Variants in CLN6 observed in about 807,000 individuals in gnomAD.
The protein encoded by CLN6 is CLN6 transmembrane ER protein.
Under a neutral mutation model 33.3 loss-of-function variants are expected in CLN6, and 22 were observed. The ratio of observed to expected loss-of-function variants is 0.66; its 90% confidence interval spans 0.47 to 0.94. The LOEUF (loss-of-function observed/expected upper bound fraction) is 0.94. Among genes scored for constraint, CLN6 ranks in the 40% least tolerant of loss-of-function variants. The probability of loss-of-function intolerance (pLI) is 0.00; values close to 1 mark genes in which losing one functional copy is unlikely to be tolerated. For missense variants in CLN6, 387 were observed against 417.1 expected (o/e 0.93, Z 0.63); for synonymous variants, 201 against 174.6 (o/e 1.15, Z -1.19).
At chr15:68,222,450 C>T (rs187367266) in intron 1 of CLN6, among the ~76,000 whole-genome samples, 2,731 of 144,368 alleles carry the variant, frequency 0.019, 49 homozygotes, top group African/African-American at 0.067. Flanking sequence ...CCGGCCGCCC[C>T]GTCTGGGAGG....
At chr15:68,240,555 C>G (rs55811462) in intron 1 of CLN6, among the ~76,000 whole-genome samples, 1 of 152,106 alleles carries the variant, frequency 6.6e-6, no homozygotes, top group Admixed American at 6.6e-5. Context: ...GAGCTGAGAT[C>G]GTGCCACTGC....
intron 1 of CLN6, among the ~76,000 whole-genome samples, chr15:68,224,265 CAA>C (rs34196710): frequency 3.4e-4 from 16 of 46,722 alleles, no homozygotes; most frequent in Non-Finnish European, 4.1e-4. Flanking sequence ...GACCTTATTG[CAA>C]AAAAAAAAAA....
At chr15:68,235,768 G>T (rs1460260797) in intron 1 of CLN6, among the ~76,000 whole-genome samples, 1 of 151,974 alleles carries the variant, frequency 6.6e-6, no homozygotes, top group Non-Finnish European at 1.5e-5. Flanking sequence ...GCTATTTGGG[G>T]TTTACTCTCC....
intron 1 of CLN6, among the ~76,000 whole-genome samples, chr15:68,221,529 A>G (rs937510192): frequency 6.6e-5 from 10 of 151,598 alleles, no homozygotes; most frequent in South Asian, 2.1e-4. Context: ...CGCTCACTCA[A>G]TGCTCAATGT....
Position 68,211,169 on chromosome 15 carries a change from G to T in CLN6, c.542+94C>A. ...GAGACTCAACACATGGAGACCCGCAGCCCAGACAGCCTTGCTCAGTGTGTC... is the reference window on the plus strand; with the variant it reads ...GAGACTCAACACATGGAGACCCGCATCCCAGACAGCCTTGCTCAGTGTGTC... On this transcript the variant is annotated intron_variant, in intron 5 of 6. Coordinates refer to ENST00000249806, the MANE Select transcript of CLN6 (RefSeq NM_017882.3). The surrounding 1 kb of genome is among the most constrained non-coding windows in gnomAD (Gnocchi z 5.9). 9.4e-7 allele frequency: 1 copy of T among 1,061,768 alleles called. No individual in the cohort carries two copies. The allele number at this position is 1,061,768 out of a possible 1,614,324, so 65.8% of individuals were successfully genotyped here. A position where few individuals can be genotyped will look rare whatever the true frequency, so the allele number is the denominator to read the frequency against.
chr15:68,237,895 C>T (rs746786558), intron 1 of CLN6, among the ~76,000 whole-genome samples: 5 of 152,144 alleles, frequency 3.3e-5, no homozygotes, highest in East Asian at 3.9e-4. Flanking sequence ...GCGGCCGAGG[C>T]GGGGGGATCA....
intron 1 of CLN6, among the ~76,000 whole-genome samples, chr15:68,221,079 T>C (rs1220719880): frequency 6.6e-6 from 1 of 151,810 alleles, no homozygotes. Context: ...CTCAAATTCC[T>C]GGGCTCAATA....
In CLN6 at chr15:68,256,853, C is replaced by G. The variant is rs772109093; in HGVS notation, c.16G>C (p.Gly6Arg). ...CTGCCTCTCGCTCGCCGCTCCTTCC[C>G]GGCAACGGCTGCCATTTTCCGCCCA... Residue 6 changes from glycine to arginine, a missense_variant, in exon 1 of 7, where the codon GGG (glycine) becomes CGG (arginine). Physicochemically the swap from Gly to Arg is moderately radical, Grantham distance 125 (BLOSUM62 -2). Coordinates refer to the CLN6 transcript ENST00000538696. The surrounding 1 kb of genome is among the most constrained non-coding windows in gnomAD (Gnocchi z 4.1). 8 of 694,438 alleles carry G rather than the reference C, an allele frequency of 1.2e-5. No individual in the cohort carries two copies. Among genetic ancestry groups the G allele is most frequent in the South Asian group, 3.0e-5 (2 of 66,930 alleles). The allele number at this position is 694,438 out of a possible 1,614,324, so 43.0% of individuals were successfully genotyped here.
At chr15:68,221,117 C>CT (rs1447744270) in intron 1 of CLN6, among the ~76,000 whole-genome samples, 1 of 151,978 alleles carries the variant, frequency 6.6e-6, no homozygotes, top group Non-Finnish European at 1.5e-5. Flanking sequence ...ATCCATAGTG[C>CT]TGGGATTACA....
chr15:68,230,100 C>A (rs1314678956), upstream of CLN6, among the ~76,000 whole-genome samples: 1 of 152,158 alleles, frequency 6.6e-6, no homozygotes, highest in Non-Finnish European at 1.5e-5. The surrounding 1 kb of genome is among the most constrained non-coding windows in gnomAD (Gnocchi z 4.0). Flanking sequence ...TGGAGACCTG[C>A]ACGTGTAGCA....
Position 68,209,709 on chromosome 15 carries a change from G to A in CLN6, c.593C>T (p.Thr198Ile). The A allele has an allele frequency of 6.2e-7, 1 of 1,613,834 alleles. No homozygotes were observed. Among genetic ancestry groups the A allele is most frequent in the Middle Eastern group, 1.7e-4 (1 of 5,892 alleles). The change falls in exon 6 of 7, where the codon ACT becomes ATT. Residue 198 changes from threonine to isoleucine, a missense_variant. Physicochemically the swap from Thr to Ile is moderately conservative, Grantham distance 89 (BLOSUM62 -1). Transcript: ENST00000249806. This position sits in a 1 kb window ranked among gnomAD's most constrained non-coding sequence, Gnocchi z 4.9. ...ILFMYFSGCF[T>I]ASKAESLIPG... ...AATCAAGCTCTCAGCTTTAGAGGCAGTAAAGCAGCCGCTGAAGTACATGAA... is the reference window on the plus strand; with the variant it reads ...AATCAAGCTCTCAGCTTTAGAGGCAATAAAGCAGCCGCTGAAGTACATGAA...
At position 68,214,406 on chromosome 15, in the gene CLN6, G is replaced by GA. The variant is rs1567096664; in HGVS notation, c.199-19dup. 6.3e-7 allele frequency: 1 copy of GA among 1,596,388 alleles called. No homozygotes were observed. The highest frequency in any genetic ancestry group is 8.6e-7 in the Non-Finnish European group (1 of 1,163,918). On this transcript the variant is annotated intron_variant, in intron 2 of 6. Coordinates refer to ENST00000249806, the MANE Select transcript of CLN6 (RefSeq NM_017882.3). ...AATACCAGCTGCGGAGCAAATGGAA[G>GA]AATGGGCTCACCTGGGCACAGCCCC... is the stretch of plus-strand genomic sequence containing the variant.
chr15:68,216,157 T>C (rs1424559870), intron 2 of CLN6, among the ~76,000 whole-genome samples: 1 of 152,190 alleles, frequency 6.6e-6, no homozygotes, highest in Non-Finnish European at 1.5e-5. Context: ...GACCCTGTTA[T>C]GCCAGTAGAA....
At position 68,211,157 on chromosome 15, in the gene CLN6, T is replaced by C. The variant is rs1397192010; in HGVS notation, c.542+106A>G. 1.0e-6 allele frequency: 1 copy of C among 953,034 alleles called. No individual in the cohort carries two copies. The highest frequency in any genetic ancestry group is 1.7e-6 in the Non-Finnish European group (1 of 577,834). 59.0% of individuals were successfully genotyped at this position (953,034 alleles called of 1,614,324 possible). Reference sequence around the variant, plus strand: ...TTTACAGGGGATGAGACTCAACACATGGAGACCCGCAGCCCAGACAGCCTT... The same window carrying C: ...TTTACAGGGGATGAGACTCAACACACGGAGACCCGCAGCCCAGACAGCCTT... On this transcript the variant is annotated intron_variant, in intron 5 of 6. Coordinates refer to ENST00000249806, the MANE Select transcript of CLN6 (RefSeq NM_017882.3). The surrounding 1 kb of genome is among the most constrained non-coding windows in gnomAD (Gnocchi z 5.9).
In CLN6 at chr15:68,209,399, CTG is replaced by C. The variant is rs547666188; in HGVS notation, c.665+236_665+237del. ...AGAGGGGCTTGAGGATGGAGACAGA[CTG>C]TGCAACCTCGCCCTCTCCTCCCACC... is the stretch of plus-strand genomic sequence containing the variant. On this transcript the variant is annotated intron_variant, in intron 6 of 6. Coordinates refer to ENST00000249806, the MANE Select transcript of CLN6 (RefSeq NM_017882.3). This position sits in a 1 kb window ranked among gnomAD's most constrained non-coding sequence, Gnocchi z 4.9. Among the ~76,000 whole-genome samples the C allele has an allele frequency of 9.8e-5, 15 of 152,288 alleles. No individual in the cohort carries two copies. In the South Asian group the frequency reaches 3.1e-3, roughly 32 times the overall value.
upstream of CLN6, among the ~76,000 whole-genome samples, chr15:68,234,089 A>G (rs1892192245): frequency 6.6e-6 from 1 of 152,236 alleles, no homozygotes; most frequent in Non-Finnish European, 1.5e-5. This position sits in a 1 kb window ranked among gnomAD's most constrained non-coding sequence, Gnocchi z 4.1. Flanking sequence ...GAACCTAAGC[A>G]TAAGGATGCA....
At chr15:68,232,672 G>T (rs557940478), upstream of CLN6, among the ~76,000 whole-genome samples, 7 of 152,292 alleles carry the variant, frequency 4.6e-5, no homozygotes, top group African/African-American at 1.4e-4. The surrounding 1 kb of genome is among the most constrained non-coding windows in gnomAD (Gnocchi z 4.7). Flanking sequence ...AAGAGACAGG[G>T]ATTAGCAAAT....
At chr15:68,218,023 T>G (rs2093225282) in intron 2 of CLN6, 1 of 164,694 alleles carries the variant, frequency 6.1e-6, no homozygotes. Flanking sequence ...GAAGTAGCCT[T>G]GGAAGGCAGG....
rs1369791586 is a variant in CLN6, at chr15:68,256,714, C to T, written c.155G>A (p.Arg52Lys). The T allele has an allele frequency of 2.9e-6, 2 of 680,078 alleles. No individual in the cohort carries two copies. The highest frequency in any genetic ancestry group is 1.5e-5 in the South Asian group (1 of 66,506). 42.1% of individuals were successfully genotyped at this position (680,078 alleles called of 1,614,324 possible). A position where few individuals can be genotyped will look rare whatever the true frequency, so the allele number is the denominator to read the frequency against. Residue 52 changes from arginine (R) to lysine (K), a missense_variant, in exon 1 of 7, where the codon AGA (arginine) becomes AAA (lysine). Physicochemically the swap from Arg to Lys is conservative, Grantham distance 26. Transcript: ENST00000538696. The surrounding 1 kb of genome is among the most constrained non-coding windows in gnomAD (Gnocchi z 4.1). ...CTTTTTACCTTTGAATTTGAGTTTTCTCAGCGAAGTCTCACAGGACAATGG... is the reference window on the plus strand; with the variant it reads ...CTTTTTACCTTTGAATTTGAGTTTTTTCAGCGAAGTCTCACAGGACAATGG...
Sources: allele counts gnomAD v4.1 joint callset (sites outside exome capture counted in the v4.1 genomes callset), GRCh38; gene constraint gnomAD v4.1.1; non-coding constraint Gnocchi (gnomAD v3.1); transcripts MANE v1.5; gene names NCBI Gene and HGNC (gene_info 2026-07-23, HGNC 2026-07-21).